The following FSTL4 variants were observed in gnomAD, a reference collection of about 807,000 sequenced individuals.
The protein encoded by FSTL4 is follistatin-related protein 4.
Under a neutral mutation model 78.2 loss-of-function variants are expected in FSTL4, and 28 were observed. That is an observed-to-expected ratio of 0.36 (90% CI 0.27 to 0.49). The LOEUF (loss-of-function observed/expected upper bound fraction) is 0.49, where lower values mean the gene tolerates loss of function less well. FSTL4 is among the 20% of genes least tolerant of loss of function. The probability of loss-of-function intolerance (pLI) is 0.98; values close to 1 mark genes in which losing one functional copy is unlikely to be tolerated. For missense variants in FSTL4, 922 were observed against 1,084.9 expected (o/e 0.85, Z 2.11); for synonymous variants, 422 against 440.5 (o/e 0.96, Z 0.53).
chr5:133,668,799 A>C, the FSTL4 span, among the ~76,000 whole-genome samples: 1 of 152,316 alleles, frequency 6.6e-6, no homozygotes. Flanking sequence ...ATCAGACGTC[A>C]CCAAAACAAA....
At chr5:133,228,585 G>A (rs1162666721) in intron 8 of FSTL4, among the ~76,000 whole-genome samples, 1 of 152,172 alleles carries the variant, frequency 6.6e-6, no homozygotes, top group African/African-American at 2.4e-5. Flanking sequence ...AGGGTAATAT[G>A]TTTCAATGGC....
the FSTL4 span, among the ~76,000 whole-genome samples, chr5:133,746,297 CTT>C: frequency 1.3e-4 from 20 of 152,208 alleles, no homozygotes; most frequent in Non-Finnish European, 1.2e-4. Flanking sequence ...GTGTGATTCT[CTT>C]TCTCTTTTTT....
chr5:133,838,653 C>A, the FSTL4 span, among the ~76,000 whole-genome samples: 5 of 150,938 alleles, frequency 3.3e-5, no homozygotes, highest in African/African-American at 1.2e-4. Context: ...CTTGCTACCA[C>A]ATGGAAGCTT....
At chr5:133,718,067 A>C in the FSTL4 span, among the ~76,000 whole-genome samples, 1 of 151,262 alleles carries the variant, frequency 6.6e-6, no homozygotes, top group Non-Finnish European at 1.5e-5. Flanking sequence ...TCCAATATTT[A>C]GTTTGTTTGT....
At chr5:133,781,043 G>C in the FSTL4 span, among the ~76,000 whole-genome samples, 1 of 152,254 alleles carries the variant, frequency 6.6e-6, no homozygotes, top group East Asian at 1.9e-4. Context: ...GTGACTTTAC[G>C]GGCAGCATGC....
chr5:133,527,478 C>T (rs1759159554), intron 3 of FSTL4, among the ~76,000 whole-genome samples: 1 of 148,588 alleles, frequency 6.7e-6, no homozygotes. Flanking sequence ...CGTGTACACA[C>T]ACACACACAC....
At position 133,400,892 on chromosome 5, in the gene FSTL4, G is replaced by A. The variant is rs779142929; in HGVS notation, c.255C>T (p.Pro85=). 15 of 1,613,750 alleles carry A rather than the reference G, an allele frequency of 9.3e-6. No individual in the cohort carries two copies. Among genetic ancestry groups the A allele is most frequent in the Middle Eastern group, 1.6e-4 (1 of 6,084 alleles). Residue 85 remains proline (P), a synonymous_variant, in exon 4 of 16, where the codon CCC becomes CCT. Coordinates refer to ENST00000265342, the MANE Select transcript of FSTL4 (RefSeq NM_015082.2). The stretch of plus-strand genomic sequence containing the variant: ...TGCATGCCTCCAGGCACTGGCATTC[G>A]GGCTCCCCTGTCTTCCTGCTGAGCA... ...RCVLSRKTGE[P]ECQCLEACRP...
chr5:133,709,549 T>C, the FSTL4 span, among the ~76,000 whole-genome samples: 2 of 152,272 alleles, frequency 1.3e-5, no homozygotes, highest in Admixed American at 6.5e-5. Flanking sequence ...GCTCTTGGCA[T>C]GCTGAGCAAT....
chr5:133,373,945 G>A (rs1259068195), intron 4 of FSTL4, among the ~76,000 whole-genome samples: 1 of 152,178 alleles, frequency 6.6e-6, no homozygotes, highest in Non-Finnish European at 1.5e-5. Flanking sequence ...TCTTCCCTTA[G>A]ACTCCAGCTC....
the FSTL4 span, among the ~76,000 whole-genome samples, chr5:133,808,412 T>C: frequency 4.6e-5 from 7 of 152,306 alleles, no homozygotes; most frequent in Non-Finnish European, 1.0e-4. Flanking sequence ...CCAGTCCTGA[T>C]GGTCCAAGCC....
intron 2 of FSTL4, among the ~76,000 whole-genome samples, chr5:133,582,312 T>C (rs1242443618): frequency 6.6e-6 from 1 of 152,174 alleles, no homozygotes; most frequent in Non-Finnish European, 1.5e-5. Flanking sequence ...GGTCACCATA[T>C]ACATGGCATT....
At chr5:133,770,717 T>A in the FSTL4 span, among the ~76,000 whole-genome samples, 1 of 152,184 alleles carries the variant, frequency 6.6e-6, no homozygotes, top group Non-Finnish European at 1.5e-5. Flanking sequence ...AAGTTTTTAG[T>A]TTAATTACAT....
chr5:133,291,050 G>A (rs1358501178), intron 6 of FSTL4, among the ~76,000 whole-genome samples: 1 of 152,216 alleles, frequency 6.6e-6, no homozygotes, highest in East Asian at 1.9e-4. Flanking sequence ...TCAAGGTCAC[G>A]TGCAGCTCTC....
At chr5:133,647,261 C>T in the FSTL4 span, among the ~76,000 whole-genome samples, 8 of 152,208 alleles carry the variant, frequency 5.3e-5, no homozygotes, top group East Asian at 1.9e-4. Context: ...ACAACCCACC[C>T]CTTACCAAAC....
the FSTL4 span, among the ~76,000 whole-genome samples, chr5:133,692,039 T>C: frequency 6.6e-6 from 1 of 152,202 alleles, no homozygotes; most frequent in Non-Finnish European, 1.5e-5. Flanking sequence ...CAAGCATCTA[T>C]AGTAAAATGC....
At chr5:133,588,206 T>A (rs368111731) in intron 2 of FSTL4, among the ~76,000 whole-genome samples, 2 of 117,500 alleles carry the variant, frequency 1.7e-5, no homozygotes, top group African/African-American at 5.6e-5. Flanking sequence ...AGGCATTACC[T>A]TTCAGGACAT....
chr5:133,516,869 T>C (rs428184), intron 3 of FSTL4, among the ~76,000 whole-genome samples: 19,205 of 152,188 alleles, frequency 0.13, 1,279 homozygotes, highest in Non-Finnish European at 0.15. Flanking sequence ...ATATGTCATT[T>C]AATTTATGGT....
Position 133,242,529 on chromosome 5 carries a change from G to A in FSTL4, c.894+6881C>T, listed in dbSNP as rs186832396. Among the ~76,000 whole-genome samples the A allele has an allele frequency of 7.9e-5, 12 of 152,136 alleles. No homozygotes were observed. The East Asian group carries it at 2.3e-3, about 29-fold the overall frequency. ...AGTACAAGTCAAGCCCTGAGGCCAGGGCTTCCCCTAAGGCTTTCCCCTAAG... is the reference window on the plus strand; with the variant it reads ...AGTACAAGTCAAGCCCTGAGGCCAGAGCTTCCCCTAAGGCTTTCCCCTAAG... On this transcript the variant is annotated intron_variant, in intron 7 of 15. Transcript: ENST00000265342.
chr5:133,272,419 C>T (rs1358090772), intron 6 of FSTL4, among the ~76,000 whole-genome samples: 1 of 152,186 alleles, frequency 6.6e-6, no homozygotes, highest in Non-Finnish European at 1.5e-5. Flanking sequence ...AGAGAGGAGG[C>T]ACGCGCGTGC....
Sources: allele counts gnomAD v4.1 joint callset (sites outside exome capture counted in the v4.1 genomes callset), GRCh38; gene constraint gnomAD v4.1.1; transcripts MANE v1.5; gene names NCBI Gene and HGNC (gene_info 2026-07-23, HGNC 2026-07-21).